Variants in RBFOX1 observed in about 807,000 individuals in gnomAD.
RBFOX1 encodes the protein RNA binding protein fox-1 homolog 1.
In RBFOX1, 8 loss-of-function variants were observed where a neutral mutation model predicts 57.7. The observed-to-expected ratio is 0.14, with a 90% CI of 0.08 to 0.25. The LOEUF is 0.25. Among genes scored for constraint, RBFOX1 ranks in the 10% least tolerant of loss-of-function variants. The pLI is 1.00. For synonymous variants in RBFOX1, 326 were observed against 222.4 expected (o/e 1.47, Z -4.15); for missense variants, 611 against 548.5 (o/e 1.11, Z -1.14).
intron 2 of RBFOX1, chr16:6,576,834 T>C (rs2097445777): frequency 6.6e-6 from 1 of 152,152 alleles, no homozygotes; most frequent in African/African-American, 2.4e-5. Context: ...TGTTGGGAAA[T>C]TGCTTTCTGA....
chr16:5,364,485 ACTTT>A (rs1268200137), intron 1 of RBFOX1, among the ~76,000 whole-genome samples: 1 of 152,188 alleles, frequency 6.6e-6, no homozygotes, highest in East Asian at 1.9e-4. Flanking sequence ...AGAGGAACTT[ACTTT>A]CTTGGTTCCC....
At chr16:6,539,531 C>G (rs1056449959) in intron 2 of RBFOX1, among the ~76,000 whole-genome samples, 3 of 152,228 alleles carry the variant, frequency 2.0e-5, no homozygotes, top group Non-Finnish European at 2.9e-5. Context: ...GGTGCAGTGG[C>G]TCACACCTAT....
At chr16:6,188,173 A>G (rs1381590910) in intron 1 of RBFOX1, among the ~76,000 whole-genome samples, 1 of 152,162 alleles carries the variant, frequency 6.6e-6, no homozygotes, top group Non-Finnish European at 1.5e-5. Flanking sequence ...AGTTGGATAA[A>G]AAATCCATAT....
intron 4 of RBFOX1, among the ~76,000 whole-genome samples, chr16:7,217,022 T>TC (rs1567748468): frequency 4.8e-5 from 1 of 21,026 alleles, no homozygotes; most frequent in Non-Finnish European, 1.0e-4. Context: ...CCTCCCTCCC[T>TC]CCCTCCCTCC....
intron 4 of RBFOX1, among the ~76,000 whole-genome samples, chr16:7,280,764 C>T (rs2095525044): frequency 6.6e-6 from 1 of 152,110 alleles, no homozygotes. Context: ...AATCCCTGGC[C>T]TTTCCCCATG....
intron 3 of RBFOX1, among the ~76,000 whole-genome samples, chr16:6,732,704 A>G (rs2068978788): frequency 1.3e-5 from 2 of 152,222 alleles, no homozygotes; most frequent in African/African-American, 2.4e-5. Flanking sequence ...TCTGTTGCCT[A>G]AAGCACATAA....
intron 3 of RBFOX1, among the ~76,000 whole-genome samples, chr16:5,784,287 C>T (rs113868960): frequency 0.28 from 42,148 of 151,892 alleles, 6,252 homozygotes; most frequent in East Asian, 0.55. Flanking sequence ...ATTAGCTGGG[C>T]GTGGTGGCTG....
intron 1 of RBFOX1, among the ~76,000 whole-genome samples, chr16:5,454,212 C>A (rs928852827): frequency 2.2e-4 from 33 of 152,290 alleles, no homozygotes; most frequent in Admixed American, 1.7e-3. Context: ...GTACAGAGAT[C>A]TCTGGCCGAA....
At chr16:5,657,479 G>C (rs1452203582) in intron 3 of RBFOX1, among the ~76,000 whole-genome samples, 2 of 152,122 alleles carry the variant, frequency 1.3e-5, no homozygotes, top group African/African-American at 2.4e-5. Context: ...TGCAAGGCCT[G>C]ACAGCCCGAC....
intron 2 of RBFOX1, among the ~76,000 whole-genome samples, chr16:6,519,902 G>T (rs1227263473): frequency 6.6e-6 from 1 of 152,108 alleles, no homozygotes; most frequent in African/African-American, 2.4e-5. Context: ...CCAGAACTGT[G>T]GGTTTGGCCC....
chr16:5,267,048 C>G (rs1388213476), intron 1 of RBFOX1, among the ~76,000 whole-genome samples: 1 of 151,848 alleles, frequency 6.6e-6, no homozygotes, highest in Admixed American at 6.6e-5. Flanking sequence ...CTGAGAGGAG[C>G]CTTGCAAGGT....
chr16:7,055,036 C>T (rs1055067001), intron 4 of RBFOX1, among the ~76,000 whole-genome samples: 3 of 151,984 alleles, frequency 2.0e-5, no homozygotes, highest in African/African-American at 7.2e-5. Flanking sequence ...TTAATTTTTC[C>T]AAAACAGACA....
chr16:5,716,926 T>A (rs1488151122), intron 3 of RBFOX1, among the ~76,000 whole-genome samples: 3 of 152,166 alleles, frequency 2.0e-5, no homozygotes, highest in Non-Finnish European at 4.4e-5. Flanking sequence ...CACCGGAGCC[T>A]GGATTTGCTG....
At chr16:5,584,721 A>C (rs1040660350) in intron 2 of RBFOX1, among the ~76,000 whole-genome samples, 1 of 152,112 alleles carries the variant, frequency 6.6e-6, no homozygotes, top group Admixed American at 6.5e-5. Flanking sequence ...CTCACTTTAG[A>C]TGGAAGTTCT....
At chr16:6,713,449 A>G (rs1404134952) in intron 3 of RBFOX1, among the ~76,000 whole-genome samples, 1 of 152,080 alleles carries the variant, frequency 6.6e-6, no homozygotes, top group African/African-American at 2.4e-5. Context: ...TTTAGAGCTG[A>G]ATAATGCTGT....
intron 3 of RBFOX1, among the ~76,000 whole-genome samples, chr16:6,711,346 C>T (rs1307097630): frequency 6.6e-6 from 1 of 152,178 alleles, no homozygotes. Context: ...AAGGTCCCCA[C>T]ATTCTGGTCC....
chr16:6,153,604 C>T (rs964346362), intron 1 of RBFOX1, among the ~76,000 whole-genome samples: 1 of 151,972 alleles, frequency 6.6e-6, no homozygotes, highest in Non-Finnish European at 1.5e-5. Context: ...GGCATGATCT[C>T]GGCTCACTGC....
chr16:6,787,720 A>G (rs2082201467), intron 3 of RBFOX1, among the ~76,000 whole-genome samples: 1 of 152,182 alleles, frequency 6.6e-6, no homozygotes. Context: ...CTCTAAACCA[A>G]GCTGCAAATG....
At chr16:7,362,598 T>C (rs554618431) in intron 4 of RBFOX1, among the ~76,000 whole-genome samples, 8 of 152,206 alleles carry the variant, frequency 5.3e-5, no homozygotes, top group Middle Eastern at 6.8e-3. Flanking sequence ...TGTGTGGATG[T>C]TCTTGTGTAT....
Sources: gnomAD v4.1 joint callset for allele counts (sites outside exome capture counted in the v4.1 genomes callset) on GRCh38, gnomAD v4.1.1 for gene constraint, MANE v1.5 for transcripts, NCBI Gene and HGNC (gene_info 2026-07-23, HGNC 2026-07-21) for gene names.